The following DNAAF6 variants were observed in gnomAD, a reference collection of about 807,000 sequenced individuals.
The protein encoded by DNAAF6 is dynein axonemal assembly factor 6.
A neutral mutation model predicts 13.7 loss-of-function variants in DNAAF6; 3 were observed. The observed-to-expected ratio is 0.22, with a 90% CI of 0.10 to 0.56. DNAAF6 has a LOEUF of 0.56. Ranked by LOEUF, DNAAF6 falls within the 20% of genes least tolerant of loss-of-function variation. The pLI, the probability that DNAAF6 is intolerant of heterozygous loss-of-function variation, is 0.92. For synonymous variants in DNAAF6, 54 were observed against 49.2 expected, an observed-to-expected ratio of 1.10 and a Z score of -0.41; for missense variants, 130 against 151.0, an observed-to-expected ratio of 0.86 and a Z score of 0.73.
chrX:107,225,090 A>G (rs752432478), intron 5 of DNAAF6, among the ~76,000 whole-genome samples: 5 of 108,828 alleles, frequency 4.6e-5, no homozygotes, highest in Non-Finnish European at 9.5e-5. Context: ...ATAGCATGGC[A>G]TATTTGAGTA....
intron 1 of DNAAF6, 116 bp from the exon 2 acceptor site, chrX:107,212,757 T>C (rs1296758250): frequency 2.3e-6 from 2 of 876,898 alleles, no homozygotes; most frequent in Non-Finnish European, 3.0e-6. Context: ...TCCAAGGAAG[T>C]ATAAGAACCA....
chrX:107,221,075 G>A (rs1391948008), intron 4 of DNAAF6, among the ~76,000 whole-genome samples: 2 of 108,973 alleles, frequency 1.8e-5, no homozygotes, highest in East Asian at 2.9e-4. Flanking sequence ...GGGTTCAAGC[G>A]ATTCTCCTGC....
chrX:107,219,800 AT>A (rs546631583), intron 4 of DNAAF6, among the ~76,000 whole-genome samples: 222 of 99,143 alleles, frequency 2.2e-3, no homozygotes, highest in Non-Finnish European at 2.0e-3. Flanking sequence ...ACTATCCAGT[AT>A]TTTTTTTTTT....
intron 1 of DNAAF6, among the ~76,000 whole-genome samples, chrX:107,207,653 C>A (rs1454083983): frequency 8.9e-6 from 1 of 111,965 alleles, no homozygotes; most frequent in Non-Finnish European, 1.9e-5. Flanking sequence ...TTTGCCAGGC[C>A]GAGCGCGGTG....
At chrX:107,239,048 A>G in intron 6 of DNAAF6, 41 bp downstream of exon 6, 3 of 1,150,190 alleles carry the variant, frequency 2.6e-6, no homozygotes, top group Non-Finnish European at 3.4e-6. Flanking sequence ...TTATAATATT[A>G]AAGAGTCTTC....
At chrX:107,210,552 GGGACCACAGGGGCACA>G (rs1012652879) in intron 1 of DNAAF6, among the ~76,000 whole-genome samples, 1 of 110,198 alleles carries the variant, frequency 9.1e-6, no homozygotes, top group African/African-American at 3.3e-5. Flanking sequence ...CTGAGTAGAT[GGGACCACAGGGGCACA>G]CCACCGCGCC....
chrX:107,232,733 TTTG>T (rs1013522065), intron 5 of DNAAF6, among the ~76,000 whole-genome samples: 69 of 109,721 alleles, frequency 6.3e-4, no homozygotes, highest in African/African-American at 2.1e-3. Context: ...TAGAAAGGGT[TTTG>T]TTGTTGTTGT....
At chrX:107,219,154 A>G (rs73249835) in intron 4 of DNAAF6, among the ~76,000 whole-genome samples, 185 bp downstream of exon 4, 56 of 112,426 alleles carry the variant, frequency 5.0e-4, no homozygotes, top group Non-Finnish European at 9.8e-4. Flanking sequence ...ATAATAAAGC[A>G]TAACACCTTC....
At chrX:107,236,907 T>G (rs769509900) in intron 5 of DNAAF6, among the ~76,000 whole-genome samples, 1 of 111,988 alleles carries the variant, frequency 8.9e-6, no homozygotes, top group African/African-American at 3.2e-5. Context: ...GGGACTTTCT[T>G]TGTCGAATAG....
intron 5 of DNAAF6, among the ~76,000 whole-genome samples, chrX:107,237,365 C>T (rs1928536486): frequency 8.9e-6 from 1 of 112,143 alleles, no homozygotes; most frequent in South Asian, 3.7e-4. Flanking sequence ...TTTACCTGAA[C>T]CTTGGGCTGC....
chrX:107,208,036 GTGTAT>G (rs1927752651), intron 1 of DNAAF6, among the ~76,000 whole-genome samples: 1 of 111,343 alleles, frequency 9.0e-6, no homozygotes, highest in African/African-American at 3.3e-5. Context: ...AAAATATTAA[GTGTAT>G]TGTTTGTCTG....
At chrX:107,209,735 T>C (rs1454859418) in intron 1 of DNAAF6, among the ~76,000 whole-genome samples, 1 of 112,320 alleles carries the variant, frequency 8.9e-6, no homozygotes, top group Non-Finnish European at 1.9e-5. Flanking sequence ...CGCCCAGCCC[T>C]GCTTGGTGGT....
Position 107,243,967 on chromosome X carries a change from T to C in DNAAF6, c.*669T>C, listed in dbSNP as rs1928677001. The stretch of plus-strand genomic sequence containing the variant: ...TGATTTGAGCAAATGATTTACAGTG[T>C]TCTCTGTTTAGGCTCTCACTGTTGT... On this transcript the variant is annotated 3_prime_UTR_variant, in exon 7 of 7. Coordinates refer to ENST00000372453, the MANE Select transcript of DNAAF6 (RefSeq NM_173494.2). The C allele has an allele frequency of 8.9e-6, 1 of 112,487 alleles. No homozygotes were observed. The highest frequency in any genetic ancestry group is 9.4e-5 in the Admixed American group (1 of 10,593). 9.3% of individuals were successfully genotyped at this position (112,487 alleles called of 1,213,427 possible).
rs753413339 is a variant in DNAAF6 at position 107,243,157 on chromosome X, GT to G, written c.516-3del. 2.7e-4 allele frequency: 315 copies of G among 1,162,464 alleles called. No individual in the cohort carries two copies. The East Asian group carries it at 8.1e-3, about 30-fold the overall frequency. On this transcript the variant is annotated splice_polypyrimidine_tract_variant and intron_variant, in intron 6 of 6. Coordinates refer to ENST00000372453, the MANE Select transcript of DNAAF6 (RefSeq NM_173494.2). ...TAGGAAGCTAAGGTTTTATTTTGTTGTTTTTTTTTAGGAAGCTGTTGATAAC... is the reference window on the plus strand; with the variant it reads ...TAGGAAGCTAAGGTTTTATTTTGTTGTTTTTTTTAGGAAGCTGTTGATAAC...
intron 5 of DNAAF6, among the ~76,000 whole-genome samples, chrX:107,235,248 T>C (rs1473538266): frequency 9.0e-6 from 1 of 111,529 alleles, no homozygotes; most frequent in East Asian, 2.8e-4. Context: ...TTACTTTTTA[T>C]TTATAAGGAC....
chrX:107,227,832 T>A (rs1289723685), intron 5 of DNAAF6, among the ~76,000 whole-genome samples: 1 of 110,213 alleles, frequency 9.1e-6, no homozygotes, highest in Non-Finnish European at 1.9e-5. Flanking sequence ...ATTAGTAGAG[T>A]TGATGATAAA....
intron 2 of DNAAF6, among the ~76,000 whole-genome samples, chrX:107,214,145 GAA>G (rs759782032): frequency 4.5e-5 from 5 of 111,566 alleles, no homozygotes; most frequent in Non-Finnish European, 7.5e-5. Flanking sequence ...TTTAGTCAGG[GAA>G]AAGTCTTAGT....
intron 4 of DNAAF6, among the ~76,000 whole-genome samples, chrX:107,220,924 TTTCTTTCTTTC>T: frequency 1.2e-5 from 1 of 83,716 alleles, no homozygotes; most frequent in Non-Finnish European, 2.2e-5. Context: ...TCTTTCTTTC[TTTCTTTCTTTC>T]TTTCTTTCTT....
intron 5 of DNAAF6, among the ~76,000 whole-genome samples, chrX:107,233,047 G>C (rs980997009): frequency 9.0e-6 from 1 of 111,071 alleles, no homozygotes. Flanking sequence ...ACACTAGAAA[G>C]GTTAATCTAA....
Sources: gnomAD v4.1 joint callset for allele counts (sites outside exome capture counted in the v4.1 genomes callset) on GRCh38, gnomAD v4.1.1 for gene constraint, MANE v1.5 for transcripts, NCBI Gene and HGNC (gene_info 2026-07-23, HGNC 2026-07-21) for gene names.